Variants in MACF1 observed in about 807,000 individuals in gnomAD.
MACF1 encodes microtubule-actin cross-linking factor 1.
A neutral mutation model predicts 854.8 loss-of-function variants in MACF1; 193 were observed. The observed-to-expected ratio is 0.23, with a 90% CI of 0.20 to 0.25. MACF1 has a LOEUF of 0.25. Ranked by LOEUF, MACF1 falls within the 10% of genes least tolerant of loss-of-function variation. The pLI is 1.00. For synonymous variants in MACF1, 3,185 were observed against 3,226.7 expected (o/e 0.99, Z 0.44); for missense variants, 7,722 against 8,929.1 (o/e 0.86, Z 5.45).
chr1:39,107,340 T>C (rs1411975672), intron 2 of MACF1, among the ~76,000 whole-genome samples: 1 of 152,004 alleles, frequency 6.6e-6, no homozygotes, highest in Non-Finnish European at 1.5e-5. Flanking sequence ...TTTTTTTTTT[T>C]AGCTGTCTCA....
intron 20 of MACF1, among the ~76,000 whole-genome samples, chr1:39,296,997 C>T (rs1204788725): frequency 6.6e-6 from 1 of 151,976 alleles, no homozygotes; most frequent in Non-Finnish European, 1.5e-5. Context: ...GATCTCTGCT[C>T]ACTGCAAACT....
intron 6 of MACF1, among the ~76,000 whole-genome samples, chr1:39,260,075 T>A (rs1645143987): frequency 6.6e-6 from 1 of 152,244 alleles, no homozygotes; most frequent in South Asian, 2.1e-4. Flanking sequence ...TGTGGATTTT[T>A]AAGCAGACTT....
chr1:39,477,146 A>T (rs1644922358), intron 97 of MACF1, among the ~76,000 whole-genome samples: 1 of 148,504 alleles, frequency 6.7e-6, no homozygotes, highest in Non-Finnish European at 1.5e-5. Context: ...ACACACACAC[A>T]CACACACAGA....
intron 1 of MACF1, among the ~76,000 whole-genome samples, chr1:39,225,471 C>T (rs1007665453): frequency 2.6e-5 from 4 of 152,096 alleles, no homozygotes; most frequent in Non-Finnish European, 5.9e-5. Flanking sequence ...CCGCCTCGGC[C>T]TCCCAAAGTG....
chr1:39,459,462 G>T (rs1351978646), intron 91 of MACF1, among the ~76,000 whole-genome samples: 3 of 152,182 alleles, frequency 2.0e-5, no homozygotes, highest in Admixed American at 6.6e-5. Context: ...GTAGGCTAAA[G>T]CTTCTAGGTG....
At chr1:39,140,914 C>CAAAAA (rs34687844) in intron 2 of MACF1, among the ~76,000 whole-genome samples, 1 of 48,270 alleles carries the variant, frequency 2.1e-5, no homozygotes, top group African/African-American at 8.8e-5. Context: ...GACTCTGTCT[C>CAAAAA]AAAAAAAAAA....
In MACF1 at chr1:39,364,889, G is replaced by T. The variant is rs367945555; in HGVS notation, c.12771+3212G>T. ...TTTGAAAGATTTTTGTCACACCCAG[G>T]TTATGAAAAAATTTATTCATGCTTT... On this transcript the variant is annotated intron_variant, in intron 49 of 100. Coordinates refer to ENST00000564288, the MANE Select transcript of MACF1 (RefSeq NM_001394062.1). Among the ~76,000 whole-genome samples, 25 of 151,988 alleles carry T rather than the reference G, an allele frequency of 1.6e-4. No homozygotes were observed. In the East Asian group the frequency reaches 4.4e-3, roughly 27 times the overall value.
intron 5 of MACF1, chr1:39,254,596 G>A (rs1417935806): frequency 1.0e-5 from 5 of 477,500 alleles, no homozygotes; most frequent in East Asian, 6.7e-5. Context: ...GAATGTTCAC[G>A]GAGAAGAACA....
chr1:39,116,864 C>G (rs907082826), intron 2 of MACF1, among the ~76,000 whole-genome samples: 2 of 152,136 alleles, frequency 1.3e-5, no homozygotes, highest in Admixed American at 1.3e-4. Context: ...CACTCACTCT[C>G]CATGAGTGAA....
At chr1:39,366,816 G>C (rs1031795736) in intron 49 of MACF1, among the ~76,000 whole-genome samples, 1 of 146,676 alleles carries the variant, frequency 6.8e-6, no homozygotes, top group Admixed American at 7.0e-5. Context: ...GCTAATTTTT[G>C]TGTTTTTAGT....
Position 39,333,746 on chromosome 1 carries a change from T to A in MACF1, c.7158T>A (p.Asp2386Glu). Residue 2386 changes from aspartate to glutamate, a missense_variant, in exon 37 of 101, where the codon GAT becomes GAA. This residue lies in a region of MACF1 where 1,531 missense variants were observed against 1,601.6 expected (regional missense o/e 0.96). Coordinates refer to ENST00000564288, the MANE Select transcript of MACF1 (RefSeq NM_001394062.1). ...CCCAGACACTGTGCTCTGTAAAGGA[T>A]GCAGTTACAGTTGGACTTCTTGACA... ...PRTQTLCSVK[D>E]AVTVGLLDKE... 1.2e-6 allele frequency: 2 copies of A among 1,614,194 alleles called. No homozygotes were observed. Among genetic ancestry groups the A allele is most frequent in the Non-Finnish European group, 1.7e-6 (2 of 1,180,032 alleles).
At chr1:39,410,372 G>C (rs770796927) in intron 58 of MACF1, 1 of 1,613,954 alleles carries the variant, frequency 6.2e-7, no homozygotes, top group South Asian at 1.1e-5. Flanking sequence ...GTTCCACAAC[G>C]GTCTATATAT....
intron 1 of MACF1, among the ~76,000 whole-genome samples, chr1:39,208,973 C>T (rs954008642): frequency 3.3e-5 from 5 of 151,762 alleles, no homozygotes; most frequent in East Asian, 3.9e-4. Context: ...TAAATATGGC[C>T]GTGCGCAGTG....
intron 22 of MACF1, among the ~76,000 whole-genome samples, chr1:39,301,583 G>A (rs566968498): frequency 1.1e-4 from 16 of 150,992 alleles, no homozygotes; most frequent in Non-Finnish European, 1.6e-4. Context: ...ATGCCATCAC[G>A]CCCAGCTAAT....
intron 80 of MACF1, among the ~76,000 whole-genome samples, chr1:39,446,305 A>G (rs1394533499): frequency 7.1e-6 from 1 of 140,672 alleles, no homozygotes; most frequent in Non-Finnish European, 1.5e-5. Flanking sequence ...TATCTTTTAT[A>G]TCTATAAAGT....
chr1:39,437,252 T>G (rs989980808), intron 70 of MACF1, among the ~76,000 whole-genome samples: 3 of 123,714 alleles, frequency 2.4e-5, no homozygotes, highest in Non-Finnish European at 4.9e-5. Flanking sequence ...TGGCTTTTTT[T>G]TTTTTTAATG....
intron 2 of MACF1, among the ~76,000 whole-genome samples, chr1:39,123,626 T>TC (rs1642777438): frequency 6.7e-6 from 1 of 150,330 alleles, no homozygotes; most frequent in African/African-American, 2.5e-5. Context: ...GCAGCCTCAA[T>TC]CTCCCCGGGC....
chr1:39,185,682 C>T (rs1644159125), intron 2 of MACF1, among the ~76,000 whole-genome samples: 2 of 152,132 alleles, frequency 1.3e-5, no homozygotes, highest in Admixed American at 1.3e-4. Context: ...GACAATATTA[C>T]TAGGTACACT....
At chr1:39,484,453 T>C (rs1178919574) in intron 99 of MACF1, 148 bp from the exon 100 acceptor site, 1 of 669,782 alleles carries the variant, frequency 1.5e-6, no homozygotes, top group Non-Finnish European at 2.5e-6. Context: ...TGACCTAGGA[T>C]ACTTTAAGAG....
Sources: gnomAD v4.1 joint callset for allele counts (sites outside exome capture counted in the v4.1 genomes callset) on GRCh38, gnomAD v4.1.1 for gene constraint, gnomAD v4.1.1 regional missense constraint, MANE v1.5 for transcripts, NCBI Gene and HGNC (gene_info 2026-07-23, HGNC 2026-07-21) for gene names.